TRPM3: variants seen among roughly 807,000 people sequenced by gnomAD.
The protein encoded by TRPM3 is transient receptor potential cation channel subfamily M member 3.
Under a neutral mutation model 181.2 loss-of-function variants are expected in TRPM3, and 77 were observed. The observed-to-expected ratio is 0.42, with a 90% CI of 0.35 to 0.51. TRPM3 has a LOEUF of 0.51. TRPM3 is among the 20% of genes least tolerant of loss of function. TRPM3 has a pLI of 0.01. For synonymous variants in TRPM3, 745 were observed against 796.4 expected, an observed-to-expected ratio of 0.94 and a Z score of 1.09; for missense variants, 1,759 against 2,196.7, an observed-to-expected ratio of 0.80 and a Z score of 3.98.
intron 1 of TRPM3, among the ~76,000 whole-genome samples, chr9:71,203,863 C>G (rs1164714066): frequency 6.6e-6 from 1 of 152,176 alleles, no homozygotes; most frequent in Admixed American, 6.5e-5. Context: ...TCATCATTAT[C>G]ATCTTTCAAT....
chr9:71,047,164 A>C (rs1023573475), intron 1 of TRPM3, among the ~76,000 whole-genome samples: 3 of 152,212 alleles, frequency 2.0e-5, no homozygotes, highest in African/African-American at 7.2e-5. Context: ...TTTCCAGTAG[A>C]TGGAAAAGGT....
intron 1 of TRPM3, among the ~76,000 whole-genome samples, chr9:71,203,911 C>T (rs947978311): frequency 2.6e-5 from 4 of 151,982 alleles, no homozygotes; most frequent in Admixed American, 6.6e-5. Context: ...AAAGTAATCT[C>T]ATTTCAACTA....
chr9:70,586,833 T>C (rs2057217339), intron 22 of TRPM3, among the ~76,000 whole-genome samples: 1 of 152,208 alleles, frequency 6.6e-6, no homozygotes. Flanking sequence ...TTTTAGAGAC[T>C]GGCTCCTTGA....
intron 1 of TRPM3, among the ~76,000 whole-genome samples, chr9:70,891,936 C>T (rs765819119): frequency 6.6e-6 from 1 of 152,136 alleles, no homozygotes; most frequent in Non-Finnish European, 1.5e-5. Flanking sequence ...CTTACCATAT[C>T]CCAGAGTTTC....
At chr9:70,904,940 G>A (rs1458407807) in intron 1 of TRPM3, among the ~76,000 whole-genome samples, 3 of 152,070 alleles carry the variant, frequency 2.0e-5, no homozygotes, top group East Asian at 1.9e-4. Flanking sequence ...AATGATCCCC[G>A]AGTCTCATAA....
intron 1 of TRPM3, among the ~76,000 whole-genome samples, chr9:70,931,479 G>T (rs1233583486): frequency 6.6e-6 from 1 of 151,978 alleles, no homozygotes. Flanking sequence ...AGAAAATAGA[G>T]TTGTATACAA....
chr9:70,982,345 C>T (rs1481458509), intron 1 of TRPM3, among the ~76,000 whole-genome samples: 1 of 152,210 alleles, frequency 6.6e-6, no homozygotes, highest in Non-Finnish European at 1.5e-5. Flanking sequence ...TCGCCAATCT[C>T]ACATCAGAAA....
At position 70,969,779 on chromosome 9, in the gene TRPM3, T is replaced by TATATATAC. The variant is rs900528837; in HGVS notation, c.178-105269_178-105268insGTATATAT. On this transcript the variant is annotated intron_variant, in intron 1 of 25. Transcript: ENST00000677713. The stretch of plus-strand genomic sequence containing the variant: ...TTTTATATATATATATATATATATA[T>TATATATAC]ACACACACACACTAAGAAATTATAT... Among the ~76,000 whole-genome samples the TATATATAC allele has an allele frequency of 1.2e-3, 171 of 139,852 alleles. 1 individual carries two copies. The highest frequency in any genetic ancestry group is 1.9e-3 in the Non-Finnish European group (122 of 64,354). 91.7% of individuals were successfully genotyped at this position (139,852 alleles called of 152,430 possible). A position where few individuals can be genotyped will look rare whatever the true frequency, so the allele number is the denominator to read the frequency against.
chr9:71,173,704 C>T (rs189444584), intron 1 of TRPM3, among the ~76,000 whole-genome samples: 50 of 152,274 alleles, frequency 3.3e-4, no homozygotes, highest in East Asian at 1.2e-3. Flanking sequence ...ACATTAGAAA[C>T]GCCCACATTT....
At chr9:70,945,482 G>C (rs1343997383) in intron 1 of TRPM3, among the ~76,000 whole-genome samples, 2 of 152,152 alleles carry the variant, frequency 1.3e-5, no homozygotes, top group Non-Finnish European at 2.9e-5. Flanking sequence ...TTCCTTGCTA[G>C]ACTGCTGTGA....
intron 1 of TRPM3, among the ~76,000 whole-genome samples, chr9:70,943,383 T>G (rs569449085): frequency 6.6e-6 from 1 of 152,358 alleles, no homozygotes; most frequent in Non-Finnish European, 1.5e-5. Flanking sequence ...CAATACAAAT[T>G]TTGACACAAA....
chr9:71,349,871 A>C (rs1451207697), intron 1 of TRPM3, among the ~76,000 whole-genome samples: 1 of 151,852 alleles, frequency 6.6e-6, no homozygotes, highest in Non-Finnish European at 1.5e-5. Context: ...AAGTGATAAC[A>C]TGGAAGCCTG....
At position 70,808,832 on chromosome 9, in the gene TRPM3, G is replaced by T. The variant is rs58948495; in HGVS notation, c.973+19015C>A. On this transcript the variant is annotated intron_variant, in intron 6 of 25. Transcript: ENST00000677713. Reference sequence around the variant, plus strand: ...TTTCCCTTGACTGTTTGAGGCAGTAGAAAGTTTGCATGATTGGGCTGAACA... The same window carrying T: ...TTTCCCTTGACTGTTTGAGGCAGTATAAAGTTTGCATGATTGGGCTGAACA... Among the ~76,000 whole-genome samples, 357 of 152,338 alleles carry T rather than the reference G, an allele frequency of 2.3e-3. 3 individuals carry two copies. Among genetic ancestry groups the T allele is most frequent in the African/African-American group, 7.8e-3 (323 of 41,574 alleles).
intron 1 of TRPM3, among the ~76,000 whole-genome samples, chr9:71,272,748 G>A (rs2083900409): frequency 6.6e-6 from 1 of 151,820 alleles, no homozygotes; most frequent in Non-Finnish European, 1.5e-5. Context: ...ATTTTTTAGT[G>A]TTATATTACT....
intron 7 of TRPM3, among the ~76,000 whole-genome samples, chr9:70,768,383 A>G (rs572235730): frequency 1.6e-4 from 25 of 152,186 alleles, no homozygotes; most frequent in Non-Finnish European, 3.2e-4. Context: ...CATGGATACT[A>G]TCATCACATT....
chr9:70,815,917 C>T (rs2131499004), intron 6 of TRPM3, among the ~76,000 whole-genome samples: 1 of 152,168 alleles, frequency 6.6e-6, no homozygotes, highest in South Asian at 2.1e-4. Flanking sequence ...GAAGCTGAGC[C>T]AAGAAATTGT....
chr9:70,875,049 C>T (rs1472876496), intron 1 of TRPM3, among the ~76,000 whole-genome samples: 2 of 151,852 alleles, frequency 1.3e-5, no homozygotes, highest in African/African-American at 2.4e-5. Context: ...TCACAAGGTA[C>T]AGACTTAAAT....
intron 1 of TRPM3, among the ~76,000 whole-genome samples, chr9:71,250,967 G>A (rs546990983): frequency 1.3e-5 from 2 of 152,294 alleles, no homozygotes; most frequent in South Asian, 4.1e-4. Flanking sequence ...TGAAAACATA[G>A]TCACAGGAGT....
chr9:70,565,653 C>T lies in TRPM3; in HGVS notation c.3224-12343G>A, dbSNP rs373566767. 8.4e-4 allele frequency among the ~76,000 whole-genome samples: 64 copies of T among 76,126 alleles called. No homozygotes were observed. The South Asian group carries it at 0.028, about 34-fold the overall frequency. 49.9% of individuals were successfully genotyped at this position (76,126 alleles called of 152,430 possible). A position where few individuals can be genotyped will look rare whatever the true frequency, so the allele number is the denominator to read the frequency against. ...CCAATCAAGTGAATTGCGGTGGGGG[C>T]GGGGGCGGGCCAAGAGGGAAAGAAT... On this transcript the variant is annotated intron_variant, in intron 22 of 25. Transcript: ENST00000677713.
Sources: gnomAD v4.1 joint callset for allele counts (sites outside exome capture counted in the v4.1 genomes callset) on GRCh38, gnomAD v4.1.1 for gene constraint, MANE v1.5 for transcripts, NCBI Gene and HGNC (gene_info 2026-07-23, HGNC 2026-07-21) for gene names.